The following NLGN1 variants were observed in gnomAD, a reference collection of about 807,000 sequenced individuals.
The protein encoded by NLGN1 is neuroligin 1, also known as neuroligin-1.
NLGN1 carries 12 observed loss-of-function variants against 65.5 expected under a neutral mutation model. The ratio of observed to expected loss-of-function variants is 0.18; its 90% CI spans 0.12 to 0.30. NLGN1 has a LOEUF of 0.30. NLGN1 is among the 10% of genes least tolerant of loss of function. The pLI is 1.00. For missense variants in NLGN1, 750 were observed against 1,007.1 expected (o/e 0.74, Z 3.46); for synonymous variants, 350 against 359.5 (o/e 0.97, Z 0.30).
intron 3 of NLGN1, among the ~76,000 whole-genome samples, chr3:173,689,493 C>A (rs1240315356): frequency 2.0e-5 from 3 of 152,076 alleles, no homozygotes; most frequent in Non-Finnish European, 4.4e-5. Context: ...TCCCAAAATT[C>A]TCTGAGATCA....
At chr3:174,131,026 G>A (rs1461249524) in intron 4 of NLGN1, among the ~76,000 whole-genome samples, 1 of 152,076 alleles carries the variant, frequency 6.6e-6, no homozygotes, top group Non-Finnish European at 1.5e-5. Context: ...TTCCTGAGAA[G>A]AGAAAAAATA....
intron 4 of NLGN1, among the ~76,000 whole-genome samples, chr3:174,171,597 C>T (rs1002646705): frequency 2.6e-5 from 4 of 151,896 alleles, no homozygotes; most frequent in African/African-American, 7.3e-5. Flanking sequence ...CTTTAATTTC[C>T]TTCTGAGGCT....
At chr3:173,467,726 A>T (rs936793815) in intron 2 of NLGN1, among the ~76,000 whole-genome samples, 1 of 152,154 alleles carries the variant, frequency 6.6e-6, no homozygotes, top group Non-Finnish European at 1.5e-5. Flanking sequence ...TTAGTAAATA[A>T]CTAGGTCAAA....
chr3:174,251,825 C>T (rs1053092919), intron 4 of NLGN1, among the ~76,000 whole-genome samples: 7 of 151,952 alleles, frequency 4.6e-5, no homozygotes, highest in Non-Finnish European at 1.0e-4. Flanking sequence ...GATTGCTTTG[C>T]CTGAAGAGTA....
intron 4 of NLGN1, among the ~76,000 whole-genome samples, chr3:174,190,920 G>T (rs775057234): frequency 2.6e-5 from 4 of 151,932 alleles, no homozygotes; most frequent in Admixed American, 6.6e-5. Flanking sequence ...AGGCAAATAC[G>T]AAGGGTTTGA....
At chr3:173,509,552 C>T (rs1167104481) in intron 2 of NLGN1, among the ~76,000 whole-genome samples, 6 of 152,014 alleles carry the variant, frequency 3.9e-5, no homozygotes, top group African/African-American at 1.4e-4. Context: ...AGTTGAAGCT[C>T]CAATGAGCCA....
At chr3:173,411,360 C>G (rs1171991774) in intron 1 of NLGN1, among the ~76,000 whole-genome samples, 1 of 152,126 alleles carries the variant, frequency 6.6e-6, no homozygotes, top group Non-Finnish European at 1.5e-5. Context: ...GGAAGTTTTG[C>G]CAGCTTCCTT....
intron 2 of NLGN1, among the ~76,000 whole-genome samples, chr3:173,506,618 T>G (rs1053130448): frequency 7.2e-5 from 11 of 152,142 alleles, no homozygotes; most frequent in Non-Finnish European, 1.6e-4. Flanking sequence ...TACTATGTTT[T>G]GTTACAGAAT....
intron 4 of NLGN1, among the ~76,000 whole-genome samples, chr3:174,015,479 C>T (rs1385321505): frequency 1.3e-5 from 2 of 152,184 alleles, no homozygotes; most frequent in African/African-American, 4.8e-5. Flanking sequence ...CTAATCCTCT[C>T]ATGAGGGCCC....
At chr3:173,899,417 A>T (rs1364273192) in intron 4 of NLGN1, among the ~76,000 whole-genome samples, 1 of 152,106 alleles carries the variant, frequency 6.6e-6, no homozygotes, top group African/African-American at 2.4e-5. Flanking sequence ...TATCATTGAG[A>T]ACATAGATAA....
chr3:174,238,626 CT>C (rs1367711338), intron 4 of NLGN1, among the ~76,000 whole-genome samples: 1 of 152,160 alleles, frequency 6.6e-6, no homozygotes, highest in Non-Finnish European at 1.5e-5. Flanking sequence ...TCCCAAAGTG[CT>C]GTGATTAAAG....
At chr3:173,733,367 A>G (rs1019264833) in intron 3 of NLGN1, among the ~76,000 whole-genome samples, 6 of 148,296 alleles carry the variant, frequency 4.0e-5, no homozygotes, top group Admixed American at 2.0e-4. Flanking sequence ...GAGCTTCTGA[A>G]TTATCACTGG....
intron 4 of NLGN1, among the ~76,000 whole-genome samples, chr3:174,234,125 A>C (rs1179654288): frequency 6.6e-6 from 1 of 152,118 alleles, no homozygotes; most frequent in African/African-American, 2.4e-5. Flanking sequence ...GAATTCAACC[A>C]AGGGGCATAA....
At chr3:174,182,600 CTG>C (rs1730650514) in intron 4 of NLGN1, among the ~76,000 whole-genome samples, 1 of 152,194 alleles carries the variant, frequency 6.6e-6, no homozygotes, top group Non-Finnish European at 1.5e-5. Context: ...GTGGGTGCCA[CTG>C]GTCTGTAGGC....
At chr3:173,674,549 T>C (rs550707810) in intron 3 of NLGN1, among the ~76,000 whole-genome samples, 2 of 152,158 alleles carry the variant, frequency 1.3e-5, no homozygotes, top group Non-Finnish European at 2.9e-5. Flanking sequence ...ATGTTACGAA[T>C]ATGTTATTTA....
chr3:173,562,775 A>G (rs1742967577), intron 2 of NLGN1, among the ~76,000 whole-genome samples: 1 of 152,034 alleles, frequency 6.6e-6, no homozygotes, highest in African/African-American at 2.4e-5. Flanking sequence ...ATCTGTTTAT[A>G]CTCACTCCTT....
chr3:173,441,648 G>A (rs753293171), intron 2 of NLGN1, among the ~76,000 whole-genome samples: 8 of 152,008 alleles, frequency 5.3e-5, no homozygotes, highest in Admixed American at 2.6e-4. Flanking sequence ...TCCAACACCC[G>A]GGCACAATCA....
chr3:173,454,837 G>A (rs770530384), intron 2 of NLGN1, among the ~76,000 whole-genome samples: 1 of 152,170 alleles, frequency 6.6e-6, no homozygotes, highest in Non-Finnish European at 1.5e-5. Context: ...GTGTTCAGTA[G>A]GTAACACTTT....
At chr3:173,583,217 C>T (rs1457115596) in intron 2 of NLGN1, among the ~76,000 whole-genome samples, 1 of 152,178 alleles carries the variant, frequency 6.6e-6, no homozygotes, top group Non-Finnish European at 1.5e-5. Context: ...ATTTCTTACC[C>T]TTTGCCCTTG....
Sources: allele counts gnomAD v4.1 joint callset (sites outside exome capture counted in the v4.1 genomes callset), GRCh38; gene constraint gnomAD v4.1.1; transcripts MANE v1.5; gene names NCBI Gene and HGNC (gene_info 2026-07-23, HGNC 2026-07-21).